Variants in CCNY observed in about 807,000 individuals in gnomAD.
CCNY encodes the protein cyclin-Y.
In CCNY, 19 loss-of-function variants were observed where a neutral mutation model predicts 42.8. That is an observed-to-expected ratio of 0.44 (90% confidence interval 0.31 to 0.65). The LOEUF is 0.65. CCNY is among the 30% of genes least tolerant of loss of function. The pLI, the probability that CCNY is intolerant of heterozygous loss-of-function variation, is 0.07. For missense variants in CCNY, 370 were observed against 437.3 expected (o/e 0.85, Z 1.37); for synonymous variants, 165 against 162.7 (o/e 1.01, Z -0.11).
At chr10:35,475,524 T>C (rs1839488965) in intron 1 of CCNY, among the ~76,000 whole-genome samples, 1 of 151,822 alleles carries the variant, frequency 6.6e-6, no homozygotes, top group Admixed American at 6.6e-5. Flanking sequence ...CAGAATTTCA[T>C]ATCCAGCCAA....
intron 1 of CCNY, among the ~76,000 whole-genome samples, chr10:35,429,974 G>A (rs1838349211): frequency 6.6e-6 from 1 of 152,136 alleles, no homozygotes; most frequent in South Asian, 2.1e-4. Context: ...TTGGAACATA[G>A]AAGACTTTGC....
chr10:35,551,227 TC>T (rs1394327732), intron 7 of CCNY, among the ~76,000 whole-genome samples: 2 of 152,174 alleles, frequency 1.3e-5, no homozygotes, highest in Non-Finnish European at 2.9e-5. Flanking sequence ...CTCAAGAACT[TC>T]CTAAAGTTCA....
intron 1 of CCNY, among the ~76,000 whole-genome samples, chr10:35,351,832 A>G (rs1489495796): frequency 6.6e-6 from 1 of 152,168 alleles, no homozygotes; most frequent in Non-Finnish European, 1.5e-5. Flanking sequence ...ATAAGCCTGA[A>G]ATCACATTCT....
chr10:35,499,742 G>C (rs1840074446), intron 2 of CCNY, among the ~76,000 whole-genome samples: 1 of 152,138 alleles, frequency 6.6e-6, no homozygotes, highest in African/African-American at 2.4e-5. Context: ...TCACTGGGTT[G>C]CTCTGAGAAG....
chr10:35,534,545 G>T (rs1840840222), intron 7 of CCNY, among the ~76,000 whole-genome samples: 1 of 152,216 alleles, frequency 6.6e-6, no homozygotes, highest in African/African-American at 2.4e-5. Flanking sequence ...TGACCAGACA[G>T]GAGGGGGTGT....
At chr10:35,369,959 A>G (rs1314538869) in intron 1 of CCNY, among the ~76,000 whole-genome samples, 1 of 152,192 alleles carries the variant, frequency 6.6e-6, no homozygotes, top group Admixed American at 6.5e-5. Context: ...CTGGATGACT[A>G]TTTAAATATT....
At position 35,274,286 on chromosome 10, in the gene CCNY, C is replaced by A. The variant is rs533828266; in HGVS notation, c.-9+23660C>A. On this transcript the variant is annotated intron_variant, in intron 3 of 11. Transcript: ENST00000374706. The stretch of plus-strand genomic sequence containing the variant: ...CTACCATGAGAACTGTATGGGGGAA[C>A]CTGCCCCCATGATTCAATTATCTCC... Among the ~76,000 whole-genome samples, 1,048 of 152,234 alleles carry A rather than the reference C, an allele frequency of 6.9e-3. 13 individuals are homozygous for A. The highest frequency in any genetic ancestry group is 0.024 in the African/African-American group (1,002 of 41,524).
chr10:35,310,878 C>T (rs1029760481), intron 3 of CCNY, among the ~76,000 whole-genome samples: 18 of 152,184 alleles, frequency 1.2e-4, no homozygotes, highest in African/African-American at 3.9e-4. Context: ...TCGTGGCTCA[C>T]GCCTGTAATC....
intron 1 of CCNY, among the ~76,000 whole-genome samples, chr10:35,370,921 T>A (rs1177723162): frequency 2.0e-5 from 3 of 152,072 alleles, no homozygotes; most frequent in Admixed American, 2.0e-4. Flanking sequence ...TTCACCATGT[T>A]AGCCAGGATG....
intron 3 of CCNY, among the ~76,000 whole-genome samples, chr10:35,300,144 T>C (rs1411777309): frequency 6.6e-6 from 1 of 152,224 alleles, no homozygotes; most frequent in Non-Finnish European, 1.5e-5. Context: ...GAGTTTTACG[T>C]TGTGCGTGAG....
chr10:35,446,267 T>C (rs1320789987), intron 1 of CCNY, among the ~76,000 whole-genome samples: 1 of 152,236 alleles, frequency 6.6e-6, no homozygotes, highest in Non-Finnish European at 1.5e-5. Context: ...TACAATACTT[T>C]ATCATCTGAG....
intron 5 of CCNY, among the ~76,000 whole-genome samples, chr10:35,528,575 G>A (rs777510374): frequency 2.0e-4 from 31 of 152,126 alleles, no homozygotes; most frequent in Non-Finnish European, 2.2e-4. Context: ...GGTGGCGCGT[G>A]CTTATAATCC....
At chr10:35,363,880 T>C (rs1292486996) in intron 1 of CCNY, among the ~76,000 whole-genome samples, 1 of 152,210 alleles carries the variant, frequency 6.6e-6, no homozygotes. Flanking sequence ...GGTAACTGAA[T>C]GAACATGCTT....
At chr10:35,533,488 C>T (rs952093943) in intron 7 of CCNY, among the ~76,000 whole-genome samples, 1 of 152,176 alleles carries the variant, frequency 6.6e-6, no homozygotes, top group Non-Finnish European at 1.5e-5. Flanking sequence ...ACCGGACACA[C>T]ACCTGCCTCG....
intron 7 of CCNY, among the ~76,000 whole-genome samples, chr10:35,533,223 G>T (rs1458302697): frequency 1.3e-5 from 2 of 152,200 alleles, no homozygotes; most frequent in Middle Eastern, 6.3e-3. Context: ...ACTGGCCCCA[G>T]TTCCTTTGGG....
chr10:35,301,644 T>C (rs1835534860), intron 3 of CCNY, among the ~76,000 whole-genome samples: 1 of 152,156 alleles, frequency 6.6e-6, no homozygotes. Flanking sequence ...TTTTGCTTTG[T>C]TTTGAGACAG....
chr10:35,405,643 ATAAGG>A (rs1291493195), intron 1 of CCNY, among the ~76,000 whole-genome samples: 1 of 152,294 alleles, frequency 6.6e-6, no homozygotes, highest in East Asian at 1.9e-4. Flanking sequence ...GCCCTTGAAA[ATAAGG>A]TAATGTGGAG....
At chr10:35,386,461 AG>A (rs1837302312) in intron 1 of CCNY, among the ~76,000 whole-genome samples, 1 of 152,228 alleles carries the variant, frequency 6.6e-6, no homozygotes, top group East Asian at 1.9e-4. Context: ...ACTGAGTCTA[AG>A]GGAGTATTTG....
At chr10:35,248,787 C>T (rs1016917069) in intron 2 of CCNY, among the ~76,000 whole-genome samples, 5 of 152,210 alleles carry the variant, frequency 3.3e-5, no homozygotes, top group East Asian at 3.9e-4. Context: ...TGCAGTGAGC[C>T]GTGCTCATGC....
Sources: gnomAD v4.1 joint callset for allele counts (sites outside exome capture counted in the v4.1 genomes callset) on GRCh38, gnomAD v4.1.1 for gene constraint, MANE v1.5 for transcripts, NCBI Gene and HGNC (gene_info 2026-07-23, HGNC 2026-07-21) for gene names.